The following SVOP variants were observed in gnomAD, a reference collection of about 807,000 sequenced individuals.
SVOP encodes the protein synaptic vesicle 2-related protein.
SVOP carries 17 observed loss-of-function variants against 69.1 expected under a neutral mutation model. That is an observed-to-expected ratio of 0.25 (90% CI 0.17 to 0.37). The LOEUF (loss-of-function observed/expected upper bound fraction) is 0.37. SVOP is among the 10% of genes least tolerant of loss of function. The pLI, the probability that SVOP is intolerant of heterozygous loss-of-function variation, is 1.00. For synonymous variants in SVOP, 238 were observed against 238.6 expected, an observed-to-expected ratio of 1.00 and a Z score of 0.02; for missense variants, 435 against 597.5, an observed-to-expected ratio of 0.73 and a Z score of 2.84.
At chr12:109,003,262 A>G (rs1220862446) in intron 1 of SVOP, among the ~76,000 whole-genome samples, 1 of 152,010 alleles carries the variant, frequency 6.6e-6, no homozygotes, top group Non-Finnish European at 1.5e-5. Flanking sequence ...TTTTTTGCTT[A>G]TTCATTTTGG....
intron 5 of SVOP, among the ~76,000 whole-genome samples, chr12:108,961,593 A>G (rs1188508026): frequency 3.3e-5 from 5 of 152,222 alleles, no homozygotes; most frequent in Non-Finnish European, 7.3e-5. Context: ...GCAGCATTTG[A>G]GTCACTGATG....
In SVOP at chr12:108,951,729, C is replaced by T. The variant is rs527519778; in HGVS notation, c.579-6563G>A. ...TTCTGACTATATATGCCTGAAACCC[C>T]TTTGAAATTGTTGTTCAACATGGTA... On this transcript the variant is annotated intron_variant, in intron 6 of 15. Transcript: ENST00000610966. Among the ~76,000 whole-genome samples, 128 of 152,292 alleles carry T rather than the reference C, an allele frequency of 8.4e-4. 1 individual carries two copies. The South Asian group carries it at 0.026, about 31-fold the overall frequency.
At chr12:109,009,841 A>G (rs1018952928) in intron 1 of SVOP, among the ~76,000 whole-genome samples, 5 of 152,188 alleles carry the variant, frequency 3.3e-5, no homozygotes, top group African/African-American at 1.2e-4. Flanking sequence ...GAGGCCAGAA[A>G]TGCTGCTAAA....
intron 1 of SVOP, among the ~76,000 whole-genome samples, chr12:109,002,629 T>TA (rs1166012242): frequency 2.6e-5 from 4 of 151,282 alleles, no homozygotes; most frequent in Non-Finnish European, 5.9e-5. Flanking sequence ...TATGCAGCCA[T>TA]AAAAAATGAT....
At chr12:108,940,666 T>TA (rs987586681) in intron 8 of SVOP, 118 bp downstream of exon 8, 54 of 1,411,534 alleles carry the variant, frequency 3.8e-5, no homozygotes, top group Non-Finnish European at 4.5e-5. Flanking sequence ...TTTCCTGATT[T>TA]AAAAAAAATA....
At position 108,912,168 on chromosome 12, in the gene SVOP, C is replaced by G. The variant is rs773405663; in HGVS notation, c.*367G>C. ...GGTGTCACATGGGCCTGAGCCTGGA[C>G]GGTATCTACAGAGAGATATTTTGGT... is the stretch of plus-strand genomic sequence containing the variant. On this transcript the variant is annotated 3_prime_UTR_variant, in exon 16 of 16. Transcript: ENST00000610966. The G allele has an allele frequency of 9.2e-7, 1 of 1,091,466 alleles. No individual in the cohort carries two copies. The highest frequency in any genetic ancestry group is 1.1e-6 in the Non-Finnish European group (1 of 895,618). The allele number at this position is 1,091,466 out of a possible 1,614,324, so 67.6% of individuals were successfully genotyped here.
intron 2 of SVOP, among the ~76,000 whole-genome samples, chr12:108,982,770 TCAC>T (rs2040145819): frequency 1.3e-5 from 1 of 76,476 alleles, no homozygotes; most frequent in African/African-American, 6.4e-5. Flanking sequence ...ATCATCAACA[TCAC>T]CACCATCATC....
At chr12:108,955,234 T>G (rs1227372161) in intron 6 of SVOP, among the ~76,000 whole-genome samples, 1 of 152,190 alleles carries the variant, frequency 6.6e-6, no homozygotes, top group African/African-American at 2.4e-5. Flanking sequence ...TCTCTGAGCA[T>G]CCCTGGTAAG....
intron 1 of SVOP, among the ~76,000 whole-genome samples, chr12:109,013,200 C>G (rs2040351261): frequency 6.6e-6 from 1 of 152,116 alleles, no homozygotes. Flanking sequence ...AGATCCCACC[C>G]TTGTGAAACT....
At position 108,957,834 on chromosome 12, in the gene SVOP, C is replaced by T. The variant is rs2039994203; in HGVS notation, c.578+3089G>A. 1.3e-5 allele frequency among the ~76,000 whole-genome samples: 2 copies of T among 152,232 alleles called. 1 individual carries two copies. The highest frequency in any genetic ancestry group is 4.1e-4 in the South Asian group (2 of 4,834). On this transcript the variant is annotated intron_variant, in intron 6 of 15. Coordinates refer to ENST00000610966, the MANE Select transcript of SVOP (RefSeq NM_018711.5). The stretch of plus-strand genomic sequence containing the variant: ...GCTGAGAGGAATTTAGAATGGGAAG[C>T]AGAGGTGGGAGACATTTGGCCTTTT...
intron 1 of SVOP, among the ~76,000 whole-genome samples, chr12:108,995,831 G>A (rs907418878): frequency 6.6e-6 from 1 of 151,822 alleles, no homozygotes; most frequent in South Asian, 2.1e-4. Context: ...AATCTGGGAG[G>A]GGGGAGGTTG....
chr12:109,007,908 C>T (rs1021488770), intron 1 of SVOP, among the ~76,000 whole-genome samples: 2 of 151,728 alleles, frequency 1.3e-5, no homozygotes, highest in South Asian at 2.1e-4. Context: ...CGTGGTGGTA[C>T]GCACCTTTGG....
chr12:108,993,720 G>T (rs1208723442), intron 1 of SVOP, among the ~76,000 whole-genome samples: 1 of 152,188 alleles, frequency 6.6e-6, no homozygotes, highest in African/African-American at 2.4e-5. Flanking sequence ...TAAGTGAGGG[G>T]TGGTGTGAAA....
intron 12 of SVOP, among the ~76,000 whole-genome samples, chr12:108,922,180 C>G (rs1350815108): frequency 6.6e-6 from 1 of 152,158 alleles, no homozygotes; most frequent in Non-Finnish European, 1.5e-5. Flanking sequence ...GATAGGGATA[C>G]TGTTTCCCTC....
intron 5 of SVOP, 98 bp from the exon 6 acceptor site, chr12:108,961,145 A>T: frequency 7.1e-7 from 1 of 1,414,000 alleles, no homozygotes; most frequent in Non-Finnish European, 9.3e-7. Context: ...GTCACATTAA[A>T]GGGAGCCTAC....
chr12:109,005,093 G>A (rs2040298562), intron 1 of SVOP, among the ~76,000 whole-genome samples: 2 of 152,116 alleles, frequency 1.3e-5, no homozygotes, highest in African/African-American at 4.8e-5. Context: ...TGGAGTTTTA[G>A]CCCTTGAGTT....
intron 1 of SVOP, among the ~76,000 whole-genome samples, chr12:108,993,378 C>A (rs1358591217): frequency 5.6e-4 from 79 of 139,830 alleles, no homozygotes; most frequent in Non-Finnish European, 6.3e-4. Flanking sequence ...ATTTTGCCTT[C>A]AAAAAAAAAA....
Position 108,950,326 on chromosome 12 carries a change from G to A in SVOP, c.579-5160C>T, listed in dbSNP as rs367914487. Among the ~76,000 whole-genome samples the A allele has an allele frequency of 1.5e-4, 22 of 148,796 alleles. No individual in the cohort carries two copies. The East Asian group carries it at 2.6e-3, about 17-fold the overall frequency. On this transcript the variant is annotated intron_variant, in intron 6 of 15. Coordinates refer to ENST00000610966, the MANE Select transcript of SVOP (RefSeq NM_018711.5). ...ACTCCTGGGCTCAAGCAATCCTCCT[G>A]CATTTGCCTCCCAAAGTGCTGGAAC...
chr12:108,941,108 T>C (rs886704673), intron 7 of SVOP, among the ~76,000 whole-genome samples, 199 bp from the exon 8 acceptor site: 3 of 152,192 alleles, frequency 2.0e-5, no homozygotes, highest in African/African-American at 4.8e-5. Context: ...GGTACCATTA[T>C]ACACTGTATA....
Sources: gnomAD v4.1 joint callset for allele counts (sites outside exome capture counted in the v4.1 genomes callset) on GRCh38, gnomAD v4.1.1 for gene constraint, MANE v1.5 for transcripts, NCBI Gene and HGNC (gene_info 2026-07-23, HGNC 2026-07-21) for gene names.